Variants in PRR5 observed in about 807,000 individuals in gnomAD.
The protein encoded by PRR5 is proline rich 5, also known as proline-rich protein 5.
In PRR5, 25 loss-of-function variants were observed where a neutral mutation model predicts 30.6. That is an observed-to-expected ratio of 0.82 (90% CI 0.60 to 1.14). The LOEUF (loss-of-function observed/expected upper bound fraction) is 1.14, where lower values mean the gene tolerates loss of function less well. Ranked by LOEUF, PRR5 falls within the 50% of genes most tolerant of loss-of-function variation. PRR5 has a pLI of 0.00. For synonymous variants in PRR5, 286 were observed against 247.1 expected, an observed-to-expected ratio of 1.16 and a Z score of -1.48; for missense variants, 600 against 547.1, an observed-to-expected ratio of 1.10 and a Z score of -0.96.
chr22:44,722,967 C>T (rs1399027747), intron 2 of PRR5, among the ~76,000 whole-genome samples: 1 of 151,292 alleles, frequency 6.6e-6, no homozygotes, highest in African/African-American at 2.4e-5. Context: ...GACAATTGTT[C>T]CATAATCTTT....
At chr22:44,702,710 C>A in intron 1 of PRR5, 102 bp downstream of exon 1, 1 of 1,219,248 alleles carries the variant, frequency 8.2e-7, no homozygotes, top group Non-Finnish European at 1.0e-6. Context: ...GGAACGCTGC[C>A]GAAGGCGGCG....
intron 1 of PRR5, among the ~76,000 whole-genome samples, chr22:44,713,869 T>C (rs1427712191): frequency 6.6e-6 from 1 of 152,218 alleles, no homozygotes. Context: ...AGTGGCGCGA[T>C]CTCGGCTCAT....
At chr22:44,695,199 G>A (rs983850630) in intron 1 of PRR5, among the ~76,000 whole-genome samples, 3 of 152,032 alleles carry the variant, frequency 2.0e-5, no homozygotes, top group Admixed American at 2.0e-4. Context: ...AAGAAGGAGA[G>A]AGGGGCTGTC....
At chr22:44,695,032 G>A (rs564571100) in intron 1 of PRR5, among the ~76,000 whole-genome samples, 28 of 152,082 alleles carry the variant, frequency 1.8e-4, no homozygotes, top group East Asian at 3.9e-4. Flanking sequence ...TTAGCTAGGC[G>A]TGGTGGCAGG....
At chr22:44,696,800 G>A (rs1418831657) in intron 1 of PRR5, among the ~76,000 whole-genome samples, 2 of 151,928 alleles carry the variant, frequency 1.3e-5, no homozygotes, top group Admixed American at 6.6e-5. Context: ...GCAGTGGCAC[G>A]ATCTTGGCTC....
chr22:44,707,620 CA>C (rs1412812926), intron 1 of PRR5, among the ~76,000 whole-genome samples: 1 of 152,232 alleles, frequency 6.6e-6, no homozygotes, highest in South Asian at 2.1e-4. Context: ...GAGCAGGCCC[CA>C]AAATGCCATG....
chr22:44,703,593 C>A (rs559259044), intron 1 of PRR5, among the ~76,000 whole-genome samples: 2 of 152,290 alleles, frequency 1.3e-5, no homozygotes, highest in Non-Finnish European at 2.9e-5. Context: ...CTGTCACATG[C>A]CTGCCTCCGT....
intron 1 of PRR5, 121 bp from the exon 2 acceptor site, chr22:44,714,470 G>A (rs1321903176): frequency 8.0e-6 from 11 of 1,374,526 alleles, no homozygotes; most frequent in Non-Finnish European, 1.1e-5. Flanking sequence ...GTGTGAGCAG[G>A]GTCCTGCAGG....
chr22:44,701,178 C>G (rs1337133805), upstream of PRR5, among the ~76,000 whole-genome samples: 2 of 152,192 alleles, frequency 1.3e-5, no homozygotes, highest in African/African-American at 4.8e-5. Flanking sequence ...CATCACCTCT[C>G]TCTTACATTT....
intron 1 of PRR5, among the ~76,000 whole-genome samples, chr22:44,706,274 C>G (rs961606387): frequency 6.6e-6 from 1 of 152,180 alleles, no homozygotes; most frequent in Admixed American, 6.6e-5. Flanking sequence ...TTCATTCATT[C>G]ATTCGTTTAT....
chr22:44,712,946 C>T (rs1160033478), intron 1 of PRR5, among the ~76,000 whole-genome samples: 1 of 152,188 alleles, frequency 6.6e-6, no homozygotes, highest in Non-Finnish European at 1.5e-5. Context: ...GGGCTTCTTG[C>T]AGGTGATGGC....
At chr22:44,732,728 T>C (rs114562087) in intron 6 of PRR5, among the ~76,000 whole-genome samples, 7,891 of 149,798 alleles carry the variant, frequency 0.053, 331 homozygotes, top group African/African-American at 0.098. Context: ...CACGTGCACA[T>C]GCATACACAC....
intron 1 of PRR5, among the ~76,000 whole-genome samples, chr22:44,712,243 C>G (rs1222150131): frequency 2.0e-5 from 3 of 152,206 alleles, no homozygotes; most frequent in African/African-American, 7.2e-5. Context: ...GTCGGGCACC[C>G]CAGGCCAGGG....
intron 1 of PRR5, among the ~76,000 whole-genome samples, chr22:44,709,924 A>G (rs1927896946): frequency 6.6e-6 from 1 of 152,190 alleles, no homozygotes. Flanking sequence ...GTTTTCAGCC[A>G]CCGAGTTAGG....
At chr22:44,714,411 G>A (rs965408935) in intron 1 of PRR5, among the ~76,000 whole-genome samples, 180 bp from the exon 2 acceptor site, 4 of 152,194 alleles carry the variant, frequency 2.6e-5, no homozygotes, top group Non-Finnish European at 1.5e-5. Context: ...ATACAGGCTG[G>A]GCTCCAGCAG....
At chr22:44,719,283 C>T (rs1602051243) in intron 2 of PRR5, among the ~76,000 whole-genome samples, 1 of 151,950 alleles carries the variant, frequency 6.6e-6, no homozygotes, top group East Asian at 1.9e-4. Context: ...AGGTCTTGCT[C>T]TGTTGCCCAA....
At chr22:44,730,476 A>T (rs770780929) in intron 4 of PRR5, 1 of 988,922 alleles carries the variant, frequency 1.0e-6, no homozygotes, top group Non-Finnish European at 1.2e-6. Context: ...TCCCACTGGA[A>T]CCCAGAGCCA....
At chr22:44,701,995 C>T (rs969054317), upstream of PRR5, among the ~76,000 whole-genome samples, 2 of 152,030 alleles carry the variant, frequency 1.3e-5, no homozygotes, top group African/African-American at 4.8e-5. Context: ...GTGGGGCCCT[C>T]GGAAGAGGGG....
upstream of PRR5, among the ~76,000 whole-genome samples, chr22:44,701,115 C>CAGGATCAGGCG (rs1926240567): frequency 6.6e-6 from 1 of 152,216 alleles, no homozygotes; most frequent in Non-Finnish European, 1.5e-5. Context: ...CTCCTGACCT[C>CAGGATCAGGCG]AGGTGATCCT....
Sources: gnomAD v4.1 joint callset for allele counts (sites outside exome capture counted in the v4.1 genomes callset) on GRCh38, gnomAD v4.1.1 for gene constraint, MANE v1.5 for transcripts, NCBI Gene and HGNC (gene_info 2026-07-23, HGNC 2026-07-21) for gene names.